The following SH3D19 variants were observed in gnomAD, a reference collection of about 807,000 sequenced individuals.
The protein encoded by SH3D19 is SH3 domain containing 19.
SH3D19 carries 58 observed loss-of-function variants against 112.1 expected under a neutral mutation model. That is an observed-to-expected ratio of 0.52 (90% CI 0.42 to 0.64). SH3D19 has a LOEUF of 0.64. SH3D19 is among the 30% of genes least tolerant of loss of function. The pLI, the probability that SH3D19 is intolerant of heterozygous loss-of-function variation, is 0.00. For missense variants in SH3D19, 1,090 were observed against 1,263.4 expected, an observed-to-expected ratio of 0.86 and a Z score of 2.08; for synonymous variants, 391 against 448.5, an observed-to-expected ratio of 0.87 and a Z score of 1.62.
intron 1 of SH3D19, among the ~76,000 whole-genome samples, chr4:151,257,609 A>G (rs1273250058): frequency 5.3e-5 from 8 of 152,036 alleles, no homozygotes; most frequent in Non-Finnish European, 8.8e-5. Flanking sequence ...CATCATCATC[A>G]TCATGCTATT....
At chr4:151,130,291 T>C (rs1457164328) in intron 17 of SH3D19, among the ~76,000 whole-genome samples, 3 of 151,774 alleles carry the variant, frequency 2.0e-5, no homozygotes, top group Admixed American at 1.3e-4. Context: ...AATACAAAAA[T>C]TAGCTGGGAG....
intron 19 of SH3D19, among the ~76,000 whole-genome samples, chr4:151,124,735 A>C (rs1561183264): frequency 1.3e-5 from 2 of 152,046 alleles, no homozygotes; most frequent in South Asian, 4.1e-4. Context: ...AAAAAAAAAA[A>C]TTAGTTTTAT....
intron 2 of SH3D19, among the ~76,000 whole-genome samples, chr4:151,192,872 A>C (rs1275947269): frequency 6.6e-6 from 1 of 152,246 alleles, no homozygotes; most frequent in South Asian, 2.1e-4. Context: ...AAAAGTTCAA[A>C]GATCTTGGAA....
intron 1 of SH3D19, among the ~76,000 whole-genome samples, chr4:151,237,936 T>C (rs1770257071): frequency 1.3e-5 from 2 of 152,222 alleles, no homozygotes; most frequent in South Asian, 4.1e-4. Context: ...TTCCTTTTCT[T>C]TCTCTTCCCA....
At chr4:151,293,048 A>G (rs1463101654) in intron 1 of SH3D19, among the ~76,000 whole-genome samples, 1 of 152,040 alleles carries the variant, frequency 6.6e-6, no homozygotes, top group Non-Finnish European at 1.5e-5. Flanking sequence ...TGAACTCAGG[A>G]GTTGGAGGTT....
intron 17 of SH3D19, among the ~76,000 whole-genome samples, chr4:151,129,639 G>C (rs1750187739): frequency 6.6e-6 from 1 of 152,184 alleles, no homozygotes; most frequent in African/African-American, 2.4e-5. Flanking sequence ...CAAGGTGCTG[G>C]GATTACAGGA....
At chr4:151,238,955 CAA>C (rs1247835489) in intron 1 of SH3D19, among the ~76,000 whole-genome samples, 1 of 152,054 alleles carries the variant, frequency 6.6e-6, no homozygotes, top group East Asian at 1.9e-4. Context: ...GAAATACAAA[CAA>C]AGAGAATGTT....
chr4:151,135,404 T>G (rs1751594737), intron 14 of SH3D19, among the ~76,000 whole-genome samples: 1 of 149,598 alleles, frequency 6.7e-6, no homozygotes, highest in Admixed American at 6.7e-5. Context: ...TAATTCTGAC[T>G]GAATTTTCTC....
chr4:151,218,328 T>C (rs554994519), intron 2 of SH3D19, among the ~76,000 whole-genome samples: 1 of 152,264 alleles, frequency 6.6e-6, no homozygotes, highest in Non-Finnish European at 1.5e-5. Flanking sequence ...TATACTCATG[T>C]CCTATAAAAA....
At chr4:151,264,069 T>C (rs1007911619) in intron 1 of SH3D19, among the ~76,000 whole-genome samples, 1 of 152,112 alleles carries the variant, frequency 6.6e-6, no homozygotes, top group Non-Finnish European at 1.5e-5. Context: ...TCTCCCAAAG[T>C]ACTGAGATTA....
At chr4:151,177,783 T>C (rs1418485186) in intron 4 of SH3D19, among the ~76,000 whole-genome samples, 1 of 152,260 alleles carries the variant, frequency 6.6e-6, no homozygotes, top group Non-Finnish European at 1.5e-5. Context: ...TATGTTCACT[T>C]CTAGACTTTG....
intron 10 of SH3D19, 51 bp downstream of exon 10, chr4:151,149,449 T>C (rs1463923741): frequency 2.1e-6 from 3 of 1,418,448 alleles, no homozygotes; most frequent in Admixed American, 1.8e-5. Context: ...TAAAAAAGAG[T>C]TGGGTCTCTG....
chr4:151,177,044 A>G, intron 4 of SH3D19, 89 bp from the exon 5 acceptor site: 1 of 1,164,130 alleles, frequency 8.6e-7, no homozygotes, highest in Non-Finnish European at 1.1e-6. Flanking sequence ...GAAAACCACC[A>G]TCAACCAAAA....
intron 1 of SH3D19, among the ~76,000 whole-genome samples, chr4:151,275,935 C>T (rs533244877): frequency 2.8e-5 from 4 of 144,016 alleles, no homozygotes; most frequent in South Asian, 2.2e-4. Flanking sequence ...CTCCGCCTCC[C>T]GGGTTCAAGC....
At chr4:151,245,489 T>G (rs578102583) in intron 1 of SH3D19, among the ~76,000 whole-genome samples, 1 of 152,314 alleles carries the variant, frequency 6.6e-6, no homozygotes, top group East Asian at 1.9e-4. Context: ...TAGATATTCC[T>G]CATACCTGTT....
At chr4:151,241,546 C>CTTTATTTA (rs924908715) in intron 1 of SH3D19, among the ~76,000 whole-genome samples, 2 of 144,504 alleles carry the variant, frequency 1.4e-5, no homozygotes, top group Non-Finnish European at 2.9e-5. Context: ...CTAAAAACCA[C>CTTTATTTA]TTTATTTATT....
intron 1 of SH3D19, among the ~76,000 whole-genome samples, chr4:151,272,686 T>C (rs1275471168): frequency 2.6e-5 from 4 of 152,196 alleles, no homozygotes; most frequent in Admixed American, 6.5e-5. Flanking sequence ...CTTCCTTAAG[T>C]TGTAATCTGA....
At chr4:151,221,179 T>C (rs144053314) in intron 2 of SH3D19, among the ~76,000 whole-genome samples, 135 of 152,320 alleles carry the variant, frequency 8.9e-4, no homozygotes, top group African/African-American at 3.1e-3. Flanking sequence ...TATTCACCTC[T>C]TACTATGAAA....
chr4:151,301,563 C>CG (rs1317780169), intron 1 of SH3D19, among the ~76,000 whole-genome samples: 3 of 151,996 alleles, frequency 2.0e-5, no homozygotes, highest in Non-Finnish European at 4.4e-5. Context: ...TGGCACTCCC[C>CG]GCTCTCTCTC....
Sources: gnomAD v4.1 joint callset for allele counts (sites outside exome capture counted in the v4.1 genomes callset) on GRCh38, gnomAD v4.1.1 for gene constraint, MANE v1.5 for transcripts, NCBI Gene and HGNC (gene_info 2026-07-23, HGNC 2026-07-21) for gene names.